MTUS2: variants seen among roughly 807,000 people sequenced by gnomAD.
MTUS2 encodes microtubule associated scaffold protein 2, also known as microtubule-associated tumor suppressor candidate 2.
A neutral mutation model predicts 114.1 loss-of-function variants in MTUS2; 40 were observed. The ratio of observed to expected loss-of-function variants is 0.35; its 90% CI spans 0.27 to 0.46. The LOEUF is 0.46. Among genes scored for constraint, MTUS2 ranks in the 20% least tolerant of loss-of-function variants. The pLI is 1.00. For missense variants in MTUS2, 1,679 were observed against 1,705.4 expected, an observed-to-expected ratio of 0.98 and a Z score of 0.27; for synonymous variants, 688 against 672.0, an observed-to-expected ratio of 1.02 and a Z score of -0.37.
At chr13:29,466,925 C>A (rs1400441882) in intron 9 of MTUS2, among the ~76,000 whole-genome samples, 1 of 149,378 alleles carries the variant, frequency 6.7e-6, no homozygotes, top group East Asian at 2.0e-4. Context: ...GTGCCTTCCA[C>A]ATCCTGTGGA....
At chr13:28,904,347 G>A (rs1593286998) in intron 2 of MTUS2, among the ~76,000 whole-genome samples, 1 of 152,130 alleles carries the variant, frequency 6.6e-6, no homozygotes, top group Non-Finnish European at 1.5e-5. Flanking sequence ...GTCCTGAATG[G>A]TATTGCCTAG....
chr13:29,207,917 G>A (rs1363027244), intron 5 of MTUS2, among the ~76,000 whole-genome samples: 1 of 152,018 alleles, frequency 6.6e-6, no homozygotes, highest in African/African-American at 2.4e-5. Flanking sequence ...CCTGGTTTTA[G>A]TATTAGGGTG....
intron 5 of MTUS2, among the ~76,000 whole-genome samples, chr13:29,230,818 G>C (rs1317318851): frequency 1.3e-5 from 2 of 152,146 alleles, no homozygotes; most frequent in Non-Finnish European, 2.9e-5. Context: ...AACCTTACCA[G>C]TGAGTTCCTA....
intron 5 of MTUS2, among the ~76,000 whole-genome samples, chr13:29,127,255 C>T (rs1452300733): frequency 1.3e-5 from 2 of 152,124 alleles, no homozygotes; most frequent in Non-Finnish European, 2.9e-5. Flanking sequence ...CCCTGGATTT[C>T]CCCTCTGGGT....
rs9506122 is a variant in MTUS2, at chr13:29,225,986, T to C, written c.2645-55718T>C. Among the ~76,000 whole-genome samples the C allele has an allele frequency of 4.3e-3, 654 of 152,340 alleles. 5 individuals are homozygous for C. The highest frequency in any genetic ancestry group is 6.6e-3 in the Non-Finnish European group (451 of 68,032). ...AATGGTAATCAACCTGGAATTGATA[T>C]GTCCTTTAGAATTAGGGTTGTATCT... On this transcript the variant is annotated intron_variant, in intron 5 of 15. Coordinates refer to ENST00000612955, the MANE Select transcript of MTUS2 (RefSeq NM_001033602.4).
rs1289833752 is a variant in MTUS2 at position 29,465,890 on chromosome 13, G to GT, written c.3185-14260_3185-14259insT. 5.9e-5 allele frequency among the ~76,000 whole-genome samples: 9 copies of GT among 152,380 alleles called. No homozygotes were observed. In the East Asian group the frequency reaches 1.7e-3, roughly 29 times the overall value. ...ACTAAGTTAGAACAGTCTGCCTGCT[G>GT]GCAGGAAGCCAGGGCTGCATGGAGA... On this transcript the variant is annotated intron_variant, in intron 9 of 15. Coordinates refer to ENST00000612955, the MANE Select transcript of MTUS2 (RefSeq NM_001033602.4).
chr13:29,324,291 A>T (rs577682580), intron 6 of MTUS2, among the ~76,000 whole-genome samples: 1 of 152,294 alleles, frequency 6.6e-6, no homozygotes, highest in South Asian at 2.1e-4. Context: ...GTGGCTGAGG[A>T]TGTAAAATTT....
intron 2 of MTUS2, among the ~76,000 whole-genome samples, chr13:28,853,391 G>A (rs1876422769): frequency 6.6e-6 from 1 of 151,892 alleles, no homozygotes; most frequent in African/African-American, 2.4e-5. Flanking sequence ...CGGAGTGGAT[G>A]CCTTGGAGGC....
intron 5 of MTUS2, among the ~76,000 whole-genome samples, chr13:29,274,473 T>C (rs955357747): frequency 2.0e-5 from 3 of 152,168 alleles, no homozygotes; most frequent in Non-Finnish European, 4.4e-5. Context: ...CACCATTTTA[T>C]ACTCCCATAG....
intron 7 of MTUS2, among the ~76,000 whole-genome samples, chr13:29,343,486 G>C (rs1307094064): frequency 5.9e-5 from 9 of 151,858 alleles, no homozygotes; most frequent in African/African-American, 1.9e-4. Flanking sequence ...TATCTCTGTG[G>C]TATCAGTTAT....
chr13:29,123,145 GAAATTTTTATTCATTTACA>G (rs1330766158), intron 5 of MTUS2, among the ~76,000 whole-genome samples: 2 of 152,022 alleles, frequency 1.3e-5, no homozygotes, highest in African/African-American at 4.8e-5. Flanking sequence ...CTCAATACTT[GAAATTTTTATTCATTTACA>G]ATCAGCACTT....
intron 5 of MTUS2, among the ~76,000 whole-genome samples, chr13:29,192,931 TATAAG>T (rs1894507033): frequency 6.6e-6 from 1 of 152,132 alleles, no homozygotes; most frequent in Non-Finnish European, 1.5e-5. Context: ...TAAATTATAA[TATAAG>T]AGAATAACAG....
intron 8 of MTUS2, among the ~76,000 whole-genome samples, chr13:29,391,002 C>G (rs978662651): frequency 1.3e-5 from 2 of 152,016 alleles, no homozygotes; most frequent in Non-Finnish European, 2.9e-5. Context: ...GGGCTGGTCT[C>G]GAACTCCTGA....
At position 29,389,343 on chromosome 13, in the gene MTUS2, ACG is replaced by A. The variant is rs1872914118; in HGVS notation, c.3117+29871_3117+29872del. Among the ~76,000 whole-genome samples the A allele has an allele frequency of 1.1e-4, 6 of 53,898 alleles. 2 individuals are homozygous for A. Among genetic ancestry groups the A allele is most frequent in the African/African-American group, 3.1e-4 (6 of 19,572 alleles). The allele number at this position is 53,898 out of a possible 152,430, so 35.4% of individuals were successfully genotyped here. Reference sequence around the variant, plus strand: ...CACATATGTGTGTATATATGTATGCACGTGTGTGTATATATGTATGCACGTGT... The same window carrying A: ...CACATATGTGTGTATATATGTATGCATGTGTGTATATATGTATGCACGTGT... On this transcript the variant is annotated intron_variant, in intron 8 of 15. Transcript: ENST00000612955.
intron 5 of MTUS2, among the ~76,000 whole-genome samples, chr13:29,259,495 C>G (rs921648629): frequency 6.6e-6 from 1 of 152,150 alleles, no homozygotes; most frequent in Non-Finnish European, 1.5e-5. Flanking sequence ...AAATTGCCCT[C>G]AGGAAAGGGA....
chr13:29,493,626 C>A (rs1197632865), intron 12 of MTUS2, among the ~76,000 whole-genome samples: 2 of 152,176 alleles, frequency 1.3e-5, no homozygotes, highest in Non-Finnish European at 2.9e-5. Flanking sequence ...CAGGGTCACA[C>A]TCTCCAGTGT....
chr13:29,172,309 C>A (rs1593556023), intron 5 of MTUS2, among the ~76,000 whole-genome samples: 1 of 152,320 alleles, frequency 6.6e-6, no homozygotes, highest in African/African-American at 2.4e-5. Flanking sequence ...GGCTTCTATT[C>A]TCCTGAAAGT....
At chr13:29,157,563 C>G (rs1288104646) in intron 5 of MTUS2, among the ~76,000 whole-genome samples, 1 of 152,266 alleles carries the variant, frequency 6.6e-6, no homozygotes, top group Middle Eastern at 3.4e-3. Flanking sequence ...ACCTTGAGCT[C>G]TGAGGATGAG....
At chr13:28,850,479 C>T (rs1876195121) in intron 2 of MTUS2, among the ~76,000 whole-genome samples, 1 of 152,216 alleles carries the variant, frequency 6.6e-6, no homozygotes, top group Non-Finnish European at 1.5e-5. Context: ...CAGGCACCCT[C>T]TCTCTAGATT....
Sources: gnomAD v4.1 joint callset for allele counts (sites outside exome capture counted in the v4.1 genomes callset) on GRCh38, gnomAD v4.1.1 for gene constraint, MANE v1.5 for transcripts, NCBI Gene and HGNC (gene_info 2026-07-23, HGNC 2026-07-21) for gene names.